The following AGBL4 variants were observed in gnomAD, a reference collection of about 807,000 sequenced individuals.
The protein encoded by AGBL4 is cytosolic carboxypeptidase 6.
AGBL4 carries 58 observed loss-of-function variants against 66.4 expected under a neutral mutation model. The ratio of observed to expected loss-of-function variants is 0.87; its 90% CI spans 0.71 to 1.09. The LOEUF (loss-of-function observed/expected upper bound fraction) is 1.09. Ranked by LOEUF, AGBL4 falls within the 50% of genes least tolerant of loss-of-function variation. AGBL4 has a pLI of 0.00. For missense variants in AGBL4, 579 were observed against 631.0 expected (o/e 0.92, Z 0.88); for synonymous variants, 234 against 222.9 (o/e 1.05, Z -0.44).
At chr1:48,605,446 C>T (rs1289138848) in intron 9 of AGBL4, among the ~76,000 whole-genome samples, 8 of 152,174 alleles carry the variant, frequency 5.3e-5, no homozygotes, top group Admixed American at 5.2e-4. Flanking sequence ...AACACCTTGC[C>T]CTGCCCAGCC....
At chr1:48,574,285 G>A (rs192555291) in intron 11 of AGBL4, among the ~76,000 whole-genome samples, 1 of 152,202 alleles carries the variant, frequency 6.6e-6, no homozygotes, top group East Asian at 1.9e-4. Context: ...GCTGAGACTG[G>A]TCCTGGCTTA....
At chr1:49,521,368 A>G (rs927198904) in intron 3 of AGBL4, among the ~76,000 whole-genome samples, 1 of 152,124 alleles carries the variant, frequency 6.6e-6, no homozygotes, top group African/African-American at 2.4e-5. Flanking sequence ...CTAAACTATA[A>G]GTTTATAGTA....
chr1:49,919,603 G>T (rs1385221916), intron 1 of AGBL4, among the ~76,000 whole-genome samples: 2 of 151,976 alleles, frequency 1.3e-5, no homozygotes, highest in Admixed American at 6.6e-5. Context: ...ACAAACAAAT[G>T]GAAGAACATT....
At chr1:49,897,201 C>T (rs1259550460) in intron 1 of AGBL4, among the ~76,000 whole-genome samples, 1 of 151,816 alleles carries the variant, frequency 6.6e-6, no homozygotes, top group Non-Finnish European at 1.5e-5. Context: ...TAAACTTGCA[C>T]TTGAAAAAAC....
chr1:49,305,552 T>C (rs1422032663), intron 3 of AGBL4, among the ~76,000 whole-genome samples: 2 of 152,228 alleles, frequency 1.3e-5, no homozygotes, highest in Non-Finnish European at 2.9e-5. Context: ...AGTGTACATA[T>C]GCAGTGTGAA....
intron 9 of AGBL4, among the ~76,000 whole-genome samples, chr1:48,592,127 G>T (rs569212208): frequency 1.3e-5 from 2 of 152,142 alleles, no homozygotes; most frequent in East Asian, 1.9e-4. Flanking sequence ...GGGAAGACTC[G>T]CATGGGGAGG....
intron 6 of AGBL4, among the ~76,000 whole-genome samples, chr1:48,840,104 G>A (rs779159758): frequency 6.6e-6 from 1 of 152,132 alleles, no homozygotes; most frequent in Non-Finnish European, 1.5e-5. Context: ...TGAGTCTGAT[G>A]TTAAGTCTAA....
At chr1:49,237,768 T>C (rs889227553) in intron 4 of AGBL4, among the ~76,000 whole-genome samples, 5 of 152,042 alleles carry the variant, frequency 3.3e-5, no homozygotes, top group Non-Finnish European at 7.4e-5. Flanking sequence ...GAAAAAAAGG[T>C]CTACAGTATT....
At chr1:49,530,627 AT>A (rs1651063347) in intron 3 of AGBL4, among the ~76,000 whole-genome samples, 1 of 151,998 alleles carries the variant, frequency 6.6e-6, no homozygotes, top group African/African-American at 2.4e-5. Context: ...GCACCATCCT[AT>A]TTGATAATAT....
At chr1:49,982,404 C>T (rs1483869135) in intron 1 of AGBL4, among the ~76,000 whole-genome samples, 1 of 152,240 alleles carries the variant, frequency 6.6e-6, no homozygotes, top group South Asian at 2.1e-4. Context: ...CCCCCTGCCA[C>T]CTTGGCCCCC....
At chr1:48,924,411 A>G (rs2148895456) in intron 5 of AGBL4, among the ~76,000 whole-genome samples, 1 of 152,264 alleles carries the variant, frequency 6.6e-6, no homozygotes, top group African/African-American at 2.4e-5. Context: ...CCCAGTAAGT[A>G]TACTGAGAGG....
intron 1 of AGBL4, among the ~76,000 whole-genome samples, chr1:49,970,574 TAATCCCA>T (rs1024430963): frequency 2.4e-4 from 37 of 151,848 alleles, no homozygotes; most frequent in Non-Finnish European, 5.0e-4. Flanking sequence ...TGCATGCCTG[TAATCCCA>T]GCTACTCAGG....
intron 3 of AGBL4, among the ~76,000 whole-genome samples, chr1:49,311,471 T>C (rs1365509581): frequency 1.3e-5 from 2 of 152,032 alleles, no homozygotes; most frequent in Non-Finnish European, 2.9e-5. Flanking sequence ...TCCCCAAATA[T>C]GTTCTATACC....
chr1:48,901,053 G>A (rs546094483), intron 5 of AGBL4, among the ~76,000 whole-genome samples: 18 of 152,176 alleles, frequency 1.2e-4, no homozygotes, highest in East Asian at 3.9e-4. Flanking sequence ...TAGTAAAAGC[G>A]GGCAAAAGAT....
chr1:49,781,987 A>G (rs1433183577), intron 2 of AGBL4, among the ~76,000 whole-genome samples: 4 of 152,066 alleles, frequency 2.6e-5, no homozygotes, highest in East Asian at 1.9e-4. Flanking sequence ...AGAGAAATTT[A>G]TAACTTTAAG....
intron 5 of AGBL4, among the ~76,000 whole-genome samples, chr1:49,036,444 A>T (rs1664657851): frequency 6.6e-6 from 1 of 152,140 alleles, no homozygotes; most frequent in African/African-American, 2.4e-5. Context: ...GAAGGTAAAA[A>T]GTTTGACACC....
chr1:49,722,756 C>T lies in AGBL4; in HGVS notation c.158-25319G>A, dbSNP rs76174319. Among the ~76,000 whole-genome samples the T allele has an allele frequency of 7.4e-4, 112 of 152,210 alleles. 2 individuals carry two copies. In the East Asian group the frequency reaches 0.019, roughly 25 times the overall value. Reference sequence around the variant, plus strand: ...GTGACCTTGGGCCTATGACAGGTAACTTTTCTATTCTAACTCTGAAAAGAT... The same window carrying T: ...GTGACCTTGGGCCTATGACAGGTAATTTTTCTATTCTAACTCTGAAAAGAT... On this transcript the variant is annotated intron_variant, in intron 2 of 13. Transcript: ENST00000371839.
intron 3 of AGBL4, among the ~76,000 whole-genome samples, chr1:49,247,883 C>T (rs975095311): frequency 6.6e-6 from 1 of 152,086 alleles, no homozygotes; most frequent in Non-Finnish European, 1.5e-5. Context: ...AGGAAATTGA[C>T]ACTTAAACAA....
chr1:48,588,202 G>A (rs538674972), intron 10 of AGBL4, among the ~76,000 whole-genome samples: 49 of 152,288 alleles, frequency 3.2e-4, no homozygotes, highest in Admixed American at 5.2e-4. Flanking sequence ...GACAACCAAA[G>A]AATCTACTTC....
Sources: gnomAD v4.1 joint callset for allele counts (sites outside exome capture counted in the v4.1 genomes callset) on GRCh38, gnomAD v4.1.1 for gene constraint, MANE v1.5 for transcripts, NCBI Gene and HGNC (gene_info 2026-07-23, HGNC 2026-07-21) for gene names.